Variants in TBL2 observed in about 807,000 individuals in gnomAD.
TBL2 encodes the protein transducin beta-like protein 2.
TBL2 carries 33 observed loss-of-function variants against 41.8 expected under a neutral mutation model. That is an observed-to-expected ratio of 0.79 (90% confidence interval 0.60 to 1.06). The LOEUF (loss-of-function observed/expected upper bound fraction) is 1.06. Among genes scored for constraint, TBL2 ranks in the 50% least tolerant of loss-of-function variants. TBL2 has a pLI of 0.00. For missense variants in TBL2, 522 were observed against 603.8 expected (o/e 0.86, Z 1.42); for synonymous variants, 239 against 241.7 (o/e 0.99, Z 0.10).
intron 1 of TBL2, among the ~76,000 whole-genome samples, chr7:73,575,942 G>A (rs551047505): frequency 1.2e-4 from 19 of 152,176 alleles, no homozygotes; most frequent in Middle Eastern, 3.4e-3. Flanking sequence ...TTCGGAGGCT[G>A]AGGAGGGAAA....
chr7:73,574,075 T>G lies in TBL2; in HGVS notation c.309A>C (p.Lys103Asn), dbSNP rs1554588358. The change falls in exon 3 of 7, where the codon AAA becomes AAC. Residue 103 changes from lysine (K) to asparagine (N), a missense_variant. Coordinates refer to ENST00000305632, the MANE Select transcript of TBL2 (RefSeq NM_012453.4). Reference sequence around the variant, plus strand: ...GATCATCTGCACAGGTAGCCAGGTATTTGCCATTGCTGCTAAAGTCCATGC... The same window carrying G: ...GATCATCTGCACAGGTAGCCAGGTAGTTGCCATTGCTGCTAAAGTCCATGC... ...ISCMDFSSNG[K>N]YLATCADDRT... 6.2e-7 allele frequency: 1 copy of G among 1,614,164 alleles called. No individual in the cohort carries two copies. Among genetic ancestry groups the G allele is most frequent in the Non-Finnish European group, 8.5e-7 (1 of 1,180,018 alleles).
intron 4 of TBL2, 136 bp from the exon 5 acceptor site, chr7:73,573,106 T>C: frequency 7.0e-7 from 1 of 1,422,918 alleles, no homozygotes; most frequent in Non-Finnish European, 9.5e-7. Flanking sequence ...AGATAAGGAC[T>C]CTGCTGAAGA....
At position 73,570,918 on chromosome 7, in the gene TBL2, T is replaced by C; in HGVS notation, c.933A>G (p.Glu311=). ...AGTAGGGGTCCTGCTTCTTCTTGTA[T>C]TCCACATCTGTGTCCCACAGTTTCC... ...GTWKLWDTDV[E]YKKKQDPYLL... Residue 311 remains glutamate, a synonymous_variant, in exon 7 of 7, where the codon GAA becomes GAG. Transcript: ENST00000305632. The C allele has an allele frequency of 1.9e-6, 3 of 1,613,548 alleles. No individual in the cohort carries two copies. The highest frequency in any genetic ancestry group is 1.7e-6 in the Non-Finnish European group (2 of 1,179,816).
chr7:73,574,498 C>G lies in TBL2; in HGVS notation c.146G>C (p.Gly49Ala). The G allele has an allele frequency of 6.2e-7, 1 of 1,614,202 alleles. No individual in the cohort carries two copies. The highest frequency in any genetic ancestry group is 8.5e-7 in the Non-Finnish European group (1 of 1,180,040). ...SGRPACQKAN[G>A]FPPDKSSGSK... ...TCCCGAAGATTTGTCAGGTGGAAAT[C>G]CATTTGCTTTTTGGCCTATAAGGAA... The change falls in exon 2 of 7, where the codon GGA (glycine) becomes GCA (alanine). Residue 49 changes from glycine (G) to alanine (A), a missense_variant. Gly to Ala is a moderately conservative substitution (Grantham distance 60). Coordinates refer to ENST00000305632, the MANE Select transcript of TBL2 (RefSeq NM_012453.4).
chr7:73,578,004 C>T (rs1793446270), intron 1 of TBL2: 1 of 471,852 alleles, frequency 2.1e-6, no homozygotes, highest in Admixed American at 4.2e-5. Flanking sequence ...AGATGTACTT[C>T]TCCTTTACTG....
intron 5 of TBL2, 40 bp from the exon 6 acceptor site, chr7:73,571,381 G>A: frequency 6.2e-7 from 1 of 1,612,842 alleles, no homozygotes; most frequent in Non-Finnish European, 8.5e-7. Context: ...TTCATTTTCG[G>A]AGCATGTTGT....
chr7:73,571,329 C>A lies in TBL2; in HGVS notation c.738G>T (p.Ser246=). The change falls in exon 6 of 7, where the codon TCG becomes TCT. Residue 246 remains serine (S), a synonymous_variant. Transcript: ENST00000305632. ...CCTTCACATCTGGGGTGAAGCCACA[C>A]GAGGCTACAAATCTGCCATACAACC... ...AVSPCGRFVA[S]CGFTPDVKVW... is the part of the protein sequence containing the mutation. The A allele has an allele frequency of 6.2e-7, 1 of 1,614,212 alleles. No individual in the cohort carries two copies. The highest frequency in any genetic ancestry group is 1.1e-5 in the South Asian group (1 of 91,082).
Position 73,570,430 on chromosome 7 carries a change from G to A in TBL2, c.*77C>T. The A allele has an allele frequency of 7.0e-7, 1 of 1,431,110 alleles. No homozygotes were observed. The highest frequency in any genetic ancestry group is 1.5e-5 in the South Asian group (1 of 65,926). 88.7% of individuals were successfully genotyped at this position (1,431,110 alleles called of 1,614,324 possible). ...GACTCCTTCTGAAAGGCTTCCACCT[G>A]GGAGGAAAGATGGCAGCAGTGCCAT... On this transcript the variant is annotated 3_prime_UTR_variant, in exon 7 of 7. Transcript: ENST00000305632.
intron 1 of TBL2, among the ~76,000 whole-genome samples, chr7:73,577,293 T>C (rs1408727961): frequency 2.7e-5 from 4 of 146,302 alleles, no homozygotes; most frequent in Non-Finnish European, 6.0e-5. Context: ...AATGCAGGGC[T>C]GGCCGGGCAC....
At chr7:73,574,802 A>T (rs1554588626) in intron 1 of TBL2, 1 of 504,152 alleles carries the variant, frequency 2.0e-6, no homozygotes, top group South Asian at 1.8e-5. Flanking sequence ...ACAGAGCAAG[A>T]CCCTGTCTCA....
At chr7:73,574,762 T>C (rs1554588610) in intron 1 of TBL2, 1 of 585,088 alleles carries the variant, frequency 1.7e-6, no homozygotes, top group African/African-American at 1.9e-5. Context: ...TAAGCTATGA[T>C]CACAACACTA....
intron 1 of TBL2, among the ~76,000 whole-genome samples, chr7:73,576,322 C>G (rs1175927503): frequency 6.6e-6 from 1 of 151,806 alleles, no homozygotes; most frequent in Non-Finnish European, 1.5e-5. Context: ...CGTGAGTCAC[C>G]ATGCCCGGCC....
At chr7:73,576,540 C>G (rs1246269000) in intron 1 of TBL2, 5 of 451,986 alleles carry the variant, frequency 1.1e-5, no homozygotes, top group Non-Finnish European at 2.2e-5. Context: ...CACTCCAGTA[C>G]CTGAAAGAAC....
rs1554588002 is a variant in TBL2, at chr7:73,572,911, G to C, written c.658C>G (p.Gln220Glu). 1 of 1,614,206 alleles carries C rather than the reference G, an allele frequency of 6.2e-7. No homozygotes were observed. Among genetic ancestry groups the C allele is most frequent in the Admixed American group, 1.7e-5 (1 of 60,016 alleles). ...TTGGTGTTGATGGTAGACAGCACTT[G>C]ACCCTTCAGGCTCCAGATGAGGACA... ...TTVLIWSLKGQVLSTINTNQM... is the reference protein window; with the variant it reads ...TTVLIWSLKGEVLSTINTNQM... Residue 220 changes from glutamine (Q) to glutamate (E), a missense_variant, in exon 5 of 7, where the codon CAA becomes GAA. Gln to Glu is a conservative substitution (Grantham distance 29). Transcript: ENST00000305632.
At position 73,570,492 on chromosome 7, in the gene TBL2, C is replaced by T. The variant is rs557976436; in HGVS notation, c.*15G>A. ...ATCCCTCCTCCTCAATCCTCTGCGC[C>T]GGGCCCTCCCAGAGTCACTTCTTCA... On this transcript the variant is annotated 3_prime_UTR_variant, in exon 7 of 7. Coordinates refer to ENST00000305632, the MANE Select transcript of TBL2 (RefSeq NM_012453.4). The T allele has an allele frequency of 3.7e-5, 56 of 1,503,770 alleles. No homozygotes were observed. The East Asian group carries it at 1.0e-3, about 27-fold the overall frequency. 93.2% of individuals were successfully genotyped at this position (1,503,770 alleles called of 1,614,324 possible).
chr7:73,571,051 C>T, intron 6 of TBL2, 79 bp from the exon 7 acceptor site: 2 of 1,566,128 alleles, frequency 1.3e-6, no homozygotes, highest in Non-Finnish European at 1.7e-6. Context: ...GCAGCTCCAG[C>T]TAGGAAGCTA....
At position 73,567,674 on chromosome 7, in the gene TBL2, T is replaced by G. The variant is rs939254089; in HGVS notation, c.*2833A>C. Among the ~76,000 whole-genome samples the G allele has an allele frequency of 6.6e-6, 1 of 152,176 alleles. No homozygotes were observed. Among genetic ancestry groups the G allele is most frequent in the Non-Finnish European group, 1.5e-5 (1 of 68,040 alleles). ...AAAGAAAAACCTTGGTGGCCTCTGC[T>G]CTATGTTAATATCCAGACACCTTCT... On this transcript the variant is annotated 3_prime_UTR_variant, in exon 7 of 7. Transcript: ENST00000305632.
chr7:73,578,169 C>A, intron 1 of TBL2: 1 of 1,375,442 alleles, frequency 7.3e-7, no homozygotes, highest in Non-Finnish European at 9.8e-7. Context: ...CCGGGGACGG[C>A]CTGGCCTCGG....
In TBL2 at chr7:73,570,671, G is replaced by C. The variant is rs782799644; in HGVS notation, c.1180C>G (p.Arg394Gly). The C allele has an allele frequency of 1.2e-6, 2 of 1,613,856 alleles. No homozygotes were observed. Among genetic ancestry groups the C allele is most frequent in the African/African-American group, 1.3e-5 (1 of 74,950 alleles). ...TGRFLASCGD[R>G]AVRLFHNTPG... is the part of the protein sequence containing the mutation. Reference sequence around the variant, plus strand: ...GTGTTGTGAAACAGCCGCACCGCCCGGTCCCCACAGGAGGCCAGAAAGCGG... The same window carrying C: ...GTGTTGTGAAACAGCCGCACCGCCCCGTCCCCACAGGAGGCCAGAAAGCGG... Residue 394 changes from arginine to glycine, a missense_variant, in exon 7 of 7, where the codon CGG (arginine) becomes GGG (glycine). Physicochemically the swap from Arg to Gly is moderately radical, Grantham distance 125. Transcript: ENST00000305632.
Sources: allele counts gnomAD v4.1 joint callset (sites outside exome capture counted in the v4.1 genomes callset), GRCh38; gene constraint gnomAD v4.1.1; transcripts MANE v1.5; gene names NCBI Gene and HGNC (gene_info 2026-07-23, HGNC 2026-07-21).